The following LRRC8B variants were observed in gnomAD, a reference collection of about 807,000 sequenced individuals.
The protein encoded by LRRC8B is leucine rich repeat containing 8 VRAC subunit B.
A neutral mutation model predicts 58.8 loss-of-function variants in LRRC8B; 23 were observed. That is an observed-to-expected ratio of 0.39 (90% CI 0.28 to 0.55). The LOEUF (loss-of-function observed/expected upper bound fraction) is 0.55, where lower values mean the gene tolerates loss of function less well. Among genes scored for constraint, LRRC8B ranks in the 20% least tolerant of loss-of-function variants. The pLI, the probability that LRRC8B is intolerant of heterozygous loss-of-function variation, is 0.62. For synonymous variants in LRRC8B, 359 were observed against 374.1 expected (o/e 0.96, Z 0.47); for missense variants, 694 against 936.0 (o/e 0.74, Z 3.37).
At chr1:89,561,014 G>A (rs1226524495) in intron 1 of LRRC8B, among the ~76,000 whole-genome samples, 4 of 149,576 alleles carry the variant, frequency 2.7e-5, no homozygotes, top group African/African-American at 9.7e-5. Flanking sequence ...CAGTGTAAAA[G>A]TGTTCCTATT....
intron 3 of LRRC8B, among the ~76,000 whole-genome samples, chr1:89,576,633 G>T (rs1422307772): frequency 6.6e-6 from 1 of 152,140 alleles, no homozygotes; most frequent in Non-Finnish European, 1.5e-5. Context: ...GCAACTCTGA[G>T]GGATGGACTA....
intron 1 of LRRC8B, among the ~76,000 whole-genome samples, chr1:89,544,114 A>G (rs1016130637): frequency 1.3e-5 from 2 of 152,214 alleles, no homozygotes; most frequent in African/African-American, 4.8e-5. Context: ...AAATCTCTAT[A>G]AATGTCTGTT....
chr1:89,574,488 A>G (rs1653698801), intron 3 of LRRC8B, among the ~76,000 whole-genome samples: 1 of 152,222 alleles, frequency 6.6e-6, no homozygotes, highest in Non-Finnish European at 1.5e-5. Flanking sequence ...CATGACCTAC[A>G]GTAACATGGA....
intron 3 of LRRC8B, among the ~76,000 whole-genome samples, chr1:89,575,836 G>C (rs1404572351): frequency 6.6e-6 from 1 of 152,050 alleles, no homozygotes; most frequent in Non-Finnish European, 1.5e-5. Context: ...GATGTTGCTA[G>C]GTGGTACTGA....
At chr1:89,584,882 G>A in intron 5 of LRRC8B, 93 bp downstream of exon 5, 1 of 903,096 alleles carries the variant, frequency 1.1e-6, no homozygotes. Context: ...CATACTGTGT[G>A]TTCTCAAGCC....
chr1:89,551,246 C>T (rs964312969), intron 1 of LRRC8B, among the ~76,000 whole-genome samples: 1 of 152,156 alleles, frequency 6.6e-6, no homozygotes, highest in African/African-American at 2.4e-5. Flanking sequence ...GTTCATCTTA[C>T]AAGAGGAAGC....
chr1:89,557,315 T>G (rs984932767), intron 1 of LRRC8B, among the ~76,000 whole-genome samples: 7 of 152,206 alleles, frequency 4.6e-5, no homozygotes, highest in Non-Finnish European at 8.8e-5. Context: ...CACAGTGGCA[T>G]AAATAAAGCT....
chr1:89,550,236 C>T (rs1033822825), intron 1 of LRRC8B, among the ~76,000 whole-genome samples: 5 of 152,210 alleles, frequency 3.3e-5, no homozygotes, highest in African/African-American at 1.2e-4. Context: ...TCAGGCACAT[C>T]TTAGTTCAAG....
intron 1 of LRRC8B, among the ~76,000 whole-genome samples, chr1:89,530,961 A>G (rs575441063): frequency 6.4e-4 from 98 of 152,174 alleles, no homozygotes; most frequent in African/African-American, 2.3e-3. Flanking sequence ...GGAGCACTCT[A>G]CTTCCATGCA....
intron 1 of LRRC8B, among the ~76,000 whole-genome samples, chr1:89,544,089 C>T (rs1055046666): frequency 1.3e-5 from 2 of 152,186 alleles, no homozygotes; most frequent in Non-Finnish European, 2.9e-5. Context: ...AGCCACTGCG[C>T]CCAGATGATT....
chr1:89,596,661 T>G lies in LRRC8B; in HGVS notation c.*3618T>G, dbSNP rs560502733. The G allele has an allele frequency of 5.3e-5, 8 of 152,288 alleles. No individual in the cohort carries two copies. In the East Asian group the frequency reaches 1.5e-3, roughly 29 times the overall value. The allele number at this position is 152,288 out of a possible 1,614,324, so 9.4% of individuals were successfully genotyped here. On this transcript the variant is annotated 3_prime_UTR_variant, in exon 6 of 6. Coordinates refer to ENST00000330947, the MANE Select transcript of LRRC8B (RefSeq NM_001369817.2). ...TTCACATTCTCTTAGCATCATCCTA[T>G]GCACATAAGGTATGTTGTTTTCCTT...
At position 89,524,888 on chromosome 1, in the gene LRRC8B, G is replaced by A. The variant is rs936314833; in HGVS notation, c.-375G>A. The stretch of plus-strand genomic sequence containing the variant: ...CCGGTCGGAGGCGGCGAGCCGGACA[G>A]CGCCGGGGCTTCCCGCTGAGCCCGC... On this transcript the variant is annotated 5_prime_UTR_variant, in exon 1 of 6. Coordinates refer to ENST00000330947, the MANE Select transcript of LRRC8B (RefSeq NM_001369817.2). 4 of 152,266 alleles carry A rather than the reference G, an allele frequency of 2.6e-5. No homozygotes were observed. Among genetic ancestry groups the A allele is most frequent in the African/African-American group, 4.8e-5 (2 of 41,456 alleles). 9.4% of individuals were successfully genotyped at this position (152,266 alleles called of 1,614,324 possible).
At chr1:89,543,662 AT>A (rs562431386) in intron 1 of LRRC8B, among the ~76,000 whole-genome samples, 339 of 145,158 alleles carry the variant, frequency 2.3e-3, no homozygotes, top group East Asian at 3.0e-3. Context: ...GCCCTGGCTA[AT>A]TTTTTTTTTT....
At chr1:89,585,700 T>A (rs1002513141) in intron 5 of LRRC8B, among the ~76,000 whole-genome samples, 7 of 151,988 alleles carry the variant, frequency 4.6e-5, no homozygotes, top group African/African-American at 1.7e-4. Flanking sequence ...TCCCAGCTAC[T>A]CAGGAGCCTG....
intron 3 of LRRC8B, among the ~76,000 whole-genome samples, chr1:89,573,557 T>G (rs901916608): frequency 2.0e-5 from 3 of 152,222 alleles, no homozygotes; most frequent in Admixed American, 2.0e-4. Context: ...AGCTCTGGAA[T>G]GGCAGTTGTA....
chr1:89,550,736 C>G (rs1345554165), intron 1 of LRRC8B, among the ~76,000 whole-genome samples: 1 of 152,138 alleles, frequency 6.6e-6, no homozygotes, highest in African/African-American at 2.4e-5. Context: ...CTCTAGTCAG[C>G]CAGAACCCAC....
At chr1:89,574,472 C>T (rs1354407173) in intron 3 of LRRC8B, among the ~76,000 whole-genome samples, 4 of 152,122 alleles carry the variant, frequency 2.6e-5, no homozygotes, top group Non-Finnish European at 5.9e-5. Context: ...AAAAAGTCAG[C>T]AAGACCATGA....
chr1:89,551,920 TTTGA>T (rs1651847582), intron 1 of LRRC8B, among the ~76,000 whole-genome samples: 1 of 152,202 alleles, frequency 6.6e-6, no homozygotes, highest in South Asian at 2.1e-4. Context: ...AGCCACATGA[TTTGA>T]TTATTATATA....
intron 1 of LRRC8B, among the ~76,000 whole-genome samples, chr1:89,560,321 C>T (rs1652528669): frequency 6.6e-6 from 1 of 152,094 alleles, no homozygotes; most frequent in African/African-American, 2.4e-5. Flanking sequence ...TGTGCAGAGG[C>T]AGAGCAGCTG....
Sources: allele counts gnomAD v4.1 joint callset (sites outside exome capture counted in the v4.1 genomes callset), GRCh38; gene constraint gnomAD v4.1.1; transcripts MANE v1.5; gene names NCBI Gene and HGNC (gene_info 2026-07-23, HGNC 2026-07-21).